Variants in TUSC3 observed in about 807,000 individuals in gnomAD.
TUSC3 encodes the protein dolichyl-diphosphooligosaccharide--protein glycosyltransferase subunit TUSC3.
TUSC3 carries 45 observed loss-of-function variants against 44.8 expected under a neutral mutation model. The ratio of observed to expected loss-of-function variants is 1.00; its 90% CI spans 0.79 to 1.29. The LOEUF (loss-of-function observed/expected upper bound fraction) is 1.29, where lower values mean the gene tolerates loss of function less well. Ranked by LOEUF, TUSC3 falls within the 50% of genes most tolerant of loss-of-function variation. The pLI, the probability that TUSC3 is intolerant of heterozygous loss-of-function variation, is 0.00. For synonymous variants in TUSC3, 212 were observed against 152.9 expected, an observed-to-expected ratio of 1.39 and a Z score of -2.85; for missense variants, 519 against 437.9, an observed-to-expected ratio of 1.19 and a Z score of -1.65.
intron 1 of TUSC3, among the ~76,000 whole-genome samples, chr8:15,587,236 C>T (rs1474746051): frequency 6.6e-6 from 1 of 152,078 alleles, no homozygotes; most frequent in African/African-American, 2.4e-5. Context: ...GGACCTTATT[C>T]CTTACACTGC....
intron 6 of TUSC3, among the ~76,000 whole-genome samples, chr8:15,674,347 C>G (rs1055365970): frequency 6.6e-6 from 1 of 152,004 alleles, no homozygotes; most frequent in Non-Finnish European, 1.5e-5. Flanking sequence ...CCACCGAATT[C>G]ACATAACTGA....
chr8:15,448,359 T>C (rs1393692738), intron 1 of TUSC3, among the ~76,000 whole-genome samples: 2 of 151,914 alleles, frequency 1.3e-5, no homozygotes, highest in Admixed American at 6.6e-5. Context: ...CCTCAGGCAA[T>C]CCACCCGCCT....
chr8:15,586,125 A>G (rs1429356645), intron 1 of TUSC3, among the ~76,000 whole-genome samples: 4 of 152,188 alleles, frequency 2.6e-5, no homozygotes, highest in Non-Finnish European at 4.4e-5. Flanking sequence ...TTATGTTCAT[A>G]TAAGGTCAAG....
chr8:15,424,544 C>A (rs181132434), intron 1 of TUSC3, among the ~76,000 whole-genome samples: 134 of 152,276 alleles, frequency 8.8e-4, no homozygotes, highest in African/African-American at 3.1e-3. Flanking sequence ...GCAGCAGACC[C>A]AGAACTACCA....
chr8:15,511,358 T>A (rs1017945795), intron 2 of TUSC3, among the ~76,000 whole-genome samples: 1 of 152,130 alleles, frequency 6.6e-6, no homozygotes, highest in Non-Finnish European at 1.5e-5. Context: ...TGGTAGATGA[T>A]ATGATTATGC....
chr8:15,521,291 C>T (rs1387246126), intron 2 of TUSC3, among the ~76,000 whole-genome samples: 4 of 152,096 alleles, frequency 2.6e-5, no homozygotes, highest in Non-Finnish European at 5.9e-5. Flanking sequence ...CTTGGCTTAC[C>T]ACTGACCTTC....
At chr8:15,843,404 G>T in the TUSC3 span, among the ~76,000 whole-genome samples, 4,545 of 152,112 alleles carry the variant, frequency 0.03, 91 homozygotes, top group Middle Eastern at 0.051. Context: ...TCTGCAGAAT[G>T]TTATTTAACT....
chr8:15,786,679 T>C, the TUSC3 span, among the ~76,000 whole-genome samples: 1 of 152,158 alleles, frequency 6.6e-6, no homozygotes, highest in South Asian at 2.1e-4. Flanking sequence ...GCATGGTGTC[T>C]CACGCCTGTA....
At chr8:15,502,898 C>T (rs982255498) in intron 2 of TUSC3, among the ~76,000 whole-genome samples, 1 of 152,142 alleles carries the variant, frequency 6.6e-6, no homozygotes, top group Non-Finnish European at 1.5e-5. Context: ...CATTTTACTC[C>T]TTACATGTTT....
intron 2 of TUSC3, among the ~76,000 whole-genome samples, chr8:15,518,142 TG>T (rs1801247634): frequency 6.6e-6 from 1 of 152,164 alleles, no homozygotes; most frequent in Non-Finnish European, 1.5e-5. Context: ...CTTTTGTACT[TG>T]GCTTGTTTCA....
the TUSC3 span, among the ~76,000 whole-genome samples, chr8:15,829,921 A>T: frequency 6.6e-6 from 1 of 152,174 alleles, no homozygotes; most frequent in Admixed American, 6.5e-5. Flanking sequence ...GCAGTGTGTA[A>T]GTATTCCCTT....
intron 1 of TUSC3, among the ~76,000 whole-genome samples, chr8:15,420,848 A>C (rs912175464): frequency 3.9e-5 from 6 of 151,986 alleles, no homozygotes; most frequent in South Asian, 2.1e-4. Flanking sequence ...TCAGTCTTTT[A>C]TGTTGATTCG....
Position 15,540,477 on chromosome 8 carries a change from G to C in TUSC3, c.47G>C (p.Arg16Pro). Residue 16 changes from arginine (R) to proline (P), a missense_variant, in exon 1 of 11, where the codon CGG becomes CCG. Coordinates refer to ENST00000503731, the MANE Select transcript of TUSC3 (RefSeq NM_006765.4). ...TCACGCCGTAGGCAAGCGGGGCGGC[G>C]GCTGCGGTACCTGCCCACCGGGAGC... ...APSRRRQAGR[R>P]LRYLPTGSFP... 3 of 1,607,692 alleles carry C rather than the reference G, an allele frequency of 1.9e-6. No individual in the cohort carries two copies. The highest frequency in any genetic ancestry group is 2.5e-6 in the Non-Finnish European group (3 of 1,177,830).
chr8:15,634,096 C>T lies in TUSC3; in HGVS notation c.308+10847C>T, dbSNP rs540403961. On this transcript the variant is annotated intron_variant, in intron 2 of 10. Coordinates refer to ENST00000503731, the MANE Select transcript of TUSC3 (RefSeq NM_006765.4). ...CTTACAACCCATTCCTGGTATAGTTCATCATACCTAATGTGGTATTGGAGC... is the reference window on the plus strand; with the variant it reads ...CTTACAACCCATTCCTGGTATAGTTTATCATACCTAATGTGGTATTGGAGC... Among the ~76,000 whole-genome samples, 34 of 152,286 alleles carry T rather than the reference C, an allele frequency of 2.2e-4. 2 individuals are homozygous for T. The South Asian group carries it at 4.8e-3, about 21-fold the overall frequency.
At chr8:15,768,897 G>C (rs938926294), downstream of TUSC3, among the ~76,000 whole-genome samples, 1 of 152,116 alleles carries the variant, frequency 6.6e-6, no homozygotes, top group East Asian at 1.9e-4. Context: ...TCTTCAAGGA[G>C]AACTACAAAC....
rs533344536 is a variant in TUSC3 at position 15,543,740 on chromosome 8, G to GTT, written c.138+3183_138+3184dup. 1.6e-4 allele frequency among the ~76,000 whole-genome samples: 23 copies of GTT among 144,090 alleles called. No homozygotes were observed. In the East Asian group the frequency reaches 3.8e-3, roughly 24 times the overall value. The allele number at this position is 144,090 out of a possible 152,430, so 94.5% of individuals were successfully genotyped here. Reference sequence around the variant, plus strand: ...AATGCGGTAAGATTTTTTTGAATTGGTTTTTTTTTTTTGCTAAAGAAACTA... The same window carrying GTT: ...AATGCGGTAAGATTTTTTTGAATTGGTTTTTTTTTTTTTTGCTAAAGAAACTA... On this transcript the variant is annotated intron_variant, in intron 1 of 10. Transcript: ENST00000503731.
At chr8:15,757,339 G>GATGAA (rs1377482802) in intron 9 of TUSC3, among the ~76,000 whole-genome samples, 1 of 152,110 alleles carries the variant, frequency 6.6e-6, no homozygotes, top group Non-Finnish European at 1.5e-5. Flanking sequence ...GAAATGTACA[G>GATGAA]AATAACAGCT....
chr8:15,530,485 C>T (rs1489879463), intron 2 of TUSC3, among the ~76,000 whole-genome samples: 1 of 152,086 alleles, frequency 6.6e-6, no homozygotes. Flanking sequence ...CCATTATTAT[C>T]CTCATTTTAC....
chr8:15,609,734 C>T (rs776337010), intron 1 of TUSC3, among the ~76,000 whole-genome samples: 3 of 149,478 alleles, frequency 2.0e-5, no homozygotes, highest in Admixed American at 6.7e-5. Flanking sequence ...GAAAAATTGT[C>T]AGGAGGACAA....
Sources: gnomAD v4.1 joint callset for allele counts (sites outside exome capture counted in the v4.1 genomes callset) on GRCh38, gnomAD v4.1.1 for gene constraint, MANE v1.5 for transcripts, NCBI Gene and HGNC (gene_info 2026-07-23, HGNC 2026-07-21) for gene names.